Variants in PDE7B observed in about 807,000 individuals in gnomAD.
PDE7B encodes the protein 3',5'-cyclic-AMP phosphodiesterase 7B.
A neutral mutation model predicts 56.2 loss-of-function variants in PDE7B; 29 were observed. That is an observed-to-expected ratio of 0.52 (90% CI 0.38 to 0.70). The LOEUF is 0.70. Ranked by LOEUF, PDE7B falls within the 30% of genes least tolerant of loss-of-function variation. The pLI, the probability that PDE7B is intolerant of heterozygous loss-of-function variation, is 0.00. For synonymous variants in PDE7B, 197 were observed against 196.9 expected, an observed-to-expected ratio of 1.00 and a Z score of 0.00; for missense variants, 490 against 565.0, an observed-to-expected ratio of 0.87 and a Z score of 1.35.
intron 2 of PDE7B, chr6:136,098,165 T>TATATAC (rs1427365380): frequency 1.6e-5 from 2 of 124,196 alleles, no homozygotes; most frequent in African/African-American, 5.8e-5. Flanking sequence ...TGTATATATA[T>TATATAC]ACACACACAC....
chr6:135,989,337 AG>A lies in PDE7B; in HGVS notation c.82+41814del, dbSNP rs375502717. ...ATAAAAATGTACGTTATCAGGGCCGAGCGCGATGGCTCACGCCTGTAATCCC... is the reference window on the plus strand; with the variant it reads ...ATAAAAATGTACGTTATCAGGGCCGACGCGATGGCTCACGCCTGTAATCCC... On this transcript the variant is annotated intron_variant, in intron 2 of 12. Coordinates refer to ENST00000308191, the MANE Select transcript of PDE7B (RefSeq NM_018945.4). Among the ~76,000 whole-genome samples the A allele has an allele frequency of 2.0e-4, 31 of 152,248 alleles. No homozygotes were observed. In the South Asian group the frequency reaches 2.7e-3, roughly 13 times the overall value.
intron 2 of PDE7B, among the ~76,000 whole-genome samples, chr6:135,991,416 T>TTTTG (rs5880274): frequency 0.84 from 127,267 of 151,684 alleles, 53,758 homozygotes; most frequent in African/African-American, 0.94. Flanking sequence ...TGTATACAAT[T>TTTTG]TTTGTCAATT....
chr6:136,004,066 G>A (rs1382989032), intron 2 of PDE7B, among the ~76,000 whole-genome samples: 2 of 152,056 alleles, frequency 1.3e-5, no homozygotes, highest in Admixed American at 6.6e-5. Flanking sequence ...ATCAATAAAT[G>A]TAATCCAGCA....
rs781163741 is a variant in PDE7B, at chr6:136,191,684, G to A, written c.1197G>A (p.Ser399=). The part of the protein sequence containing the change: ...WAHFTGNSTL[S]ENMLGHLAHN... ...ATTTCACGGGTAACAGCACCCTGTC[G>A]GAGAACATGCTGGGCCACCTCGCAC... Residue 399 remains serine (S), a synonymous_variant, in exon 13 of 13, where the codon TCG becomes TCA. Coordinates refer to ENST00000308191, the MANE Select transcript of PDE7B (RefSeq NM_018945.4). 3 of 1,613,890 alleles carry A rather than the reference G, an allele frequency of 1.9e-6. No individual in the cohort carries two copies. Among genetic ancestry groups the A allele is most frequent in the East Asian group, 2.2e-5 (1 of 44,856 alleles).
chr6:135,889,053 T>C (rs1775760047), intron 1 of PDE7B, among the ~76,000 whole-genome samples: 3 of 152,200 alleles, frequency 2.0e-5, no homozygotes, highest in Admixed American at 2.0e-4. Flanking sequence ...TGCCTAATAA[T>C]ATAAATGGAA....
At position 136,191,883 on chromosome 6, in the gene PDE7B, C is replaced by T. The variant is rs114036538; in HGVS notation, c.*43C>T. 3,574 of 1,464,642 alleles carry T rather than the reference C, an allele frequency of 2.4e-3. 63 individuals are homozygous for T. The African/African-American group carries it at 0.044, about 18-fold the overall frequency. 90.7% of individuals were successfully genotyped at this position (1,464,642 alleles called of 1,614,324 possible). A position where few individuals can be genotyped will look rare whatever the true frequency, so the allele number is the denominator to read the frequency against. On this transcript the variant is annotated 3_prime_UTR_variant, in exon 13 of 13. Transcript: ENST00000308191. The stretch of plus-strand genomic sequence containing the variant: ...ACGCGGCTCTCCTCCGGCAGGGCCC[C>T]CAGAGGGCAGAAGCAGCGTGGAGGG...
intron 5 of PDE7B, 33 bp downstream of exon 5, chr6:136,149,183 T>C: frequency 7.2e-7 from 1 of 1,385,872 alleles, no homozygotes. Context: ...CACTAAAATA[T>C]ACACCATAAA....
At chr6:135,885,321 G>T in intron 1 of PDE7B, among the ~76,000 whole-genome samples, 1 of 111,974 alleles carries the variant, frequency 8.9e-6, no homozygotes. Flanking sequence ...GTTGTTGCTT[G>T]TTTGTTGTTT....
chr6:136,168,195 G>T lies in PDE7B; in HGVS notation c.712-5602G>T, dbSNP rs572744029. ...ATGTAAGTTATAGTCTTGCTAACATGATATTTATTTGGACTATAAGAGCTT... is the reference window on the plus strand; with the variant it reads ...ATGTAAGTTATAGTCTTGCTAACATTATATTTATTTGGACTATAAGAGCTT... On this transcript the variant is annotated intron_variant, in intron 8 of 12. Transcript: ENST00000308191. Among the ~76,000 whole-genome samples, 12 of 152,312 alleles carry T rather than the reference G, an allele frequency of 7.9e-5. No individual in the cohort carries two copies. In the South Asian group the frequency reaches 2.5e-3, roughly 32 times the overall value.
At chr6:136,070,564 G>C (rs1485699360) in intron 2 of PDE7B, among the ~76,000 whole-genome samples, 3 of 151,880 alleles carry the variant, frequency 2.0e-5, no homozygotes, top group African/African-American at 7.3e-5. Flanking sequence ...ATTTTAAAAG[G>C]TTAGTTAATG....
At chr6:136,127,022 A>G (rs569441181) in intron 3 of PDE7B, among the ~76,000 whole-genome samples, 1 of 152,232 alleles carries the variant, frequency 6.6e-6, no homozygotes, top group Non-Finnish European at 1.5e-5. Context: ...CCTACTATGT[A>G]CCCACAAAAA....
intron 1 of PDE7B, among the ~76,000 whole-genome samples, chr6:135,877,889 A>G (rs1011899257): frequency 1.3e-5 from 2 of 152,188 alleles, no homozygotes; most frequent in Non-Finnish European, 2.9e-5. Flanking sequence ...AGCCACCCAG[A>G]GGGCTGAAGG....
At chr6:136,144,563 G>T (rs1184850031) in intron 3 of PDE7B, among the ~76,000 whole-genome samples, 1 of 152,084 alleles carries the variant, frequency 6.6e-6, no homozygotes. Context: ...ACTGTCTCAT[G>T]CATAAATCCA....
At chr6:135,911,194 A>G (rs1057211444) in intron 1 of PDE7B, among the ~76,000 whole-genome samples, 1 of 152,244 alleles carries the variant, frequency 6.6e-6, no homozygotes, top group Non-Finnish European at 1.5e-5. Context: ...TTAACTCATA[A>G]GCTGTCCCTA....
chr6:136,011,987 A>G (rs9483902), intron 2 of PDE7B, among the ~76,000 whole-genome samples: 1 of 152,066 alleles, frequency 6.6e-6, no homozygotes. Context: ...GAGGTAGAAG[A>G]TCGATTCTAA....
intron 2 of PDE7B, among the ~76,000 whole-genome samples, chr6:136,061,935 T>C (rs528018472): frequency 6.6e-6 from 1 of 152,332 alleles, no homozygotes; most frequent in East Asian, 1.9e-4. Context: ...TTGCCAGAAC[T>C]CAAACATGGG....
chr6:136,172,046 A>C (rs1778892424), intron 8 of PDE7B, among the ~76,000 whole-genome samples: 1 of 152,042 alleles, frequency 6.6e-6, no homozygotes, highest in Admixed American at 6.6e-5. Flanking sequence ...ATTGTTGGAC[A>C]TTTGGGTTGG....
At chr6:136,098,783 T>A (rs966049042) in intron 2 of PDE7B, among the ~76,000 whole-genome samples, 16 of 152,132 alleles carry the variant, frequency 1.1e-4, no homozygotes, top group Non-Finnish European at 1.6e-4. Context: ...TTTCTTTTTT[T>A]TTTTTATTAT....
chr6:136,015,293 G>A (rs191018597), intron 2 of PDE7B, among the ~76,000 whole-genome samples: 3 of 152,242 alleles, frequency 2.0e-5, no homozygotes, highest in Admixed American at 6.5e-5. Context: ...TTTTGCTTGC[G>A]CAGGCTTACA....
Sources: allele counts gnomAD v4.1 joint callset (sites outside exome capture counted in the v4.1 genomes callset), GRCh38; gene constraint gnomAD v4.1.1; transcripts MANE v1.5; gene names NCBI Gene and HGNC (gene_info 2026-07-23, HGNC 2026-07-21).